Variants in KMT5A observed in about 807,000 individuals in gnomAD.
The protein encoded by KMT5A is lysine methyltransferase 5A.
Under a neutral mutation model 40.6 loss-of-function variants are expected in KMT5A, and 6 were observed. That is an observed-to-expected ratio of 0.15 (90% CI 0.08 to 0.29). The LOEUF is 0.29. Among genes scored for constraint, KMT5A ranks in the 10% least tolerant of loss-of-function variants. The pLI is 1.00. For synonymous variants in KMT5A, 153 were observed against 178.8 expected, an observed-to-expected ratio of 0.86 and a Z score of 1.15; for missense variants, 308 against 459.1, an observed-to-expected ratio of 0.67 and a Z score of 3.01.
intron 3 of KMT5A, among the ~76,000 whole-genome samples, chr12:123,391,831 C>T (rs910195100): frequency 5.9e-5 from 9 of 152,324 alleles, no homozygotes; most frequent in African/African-American, 1.9e-4. Context: ...TCATAAATGA[C>T]GATTTGGCAT....
At chr12:123,399,119 C>A (rs963423948) in intron 5 of KMT5A, among the ~76,000 whole-genome samples, 1 of 152,252 alleles carries the variant, frequency 6.6e-6, no homozygotes, top group African/African-American at 2.4e-5. Context: ...CAGCCAGCAG[C>A]GGGGCAGGGA....
rs530862965 is a variant in KMT5A, at chr12:123,408,741, T to G, written c.*1038T>G. The G allele has an allele frequency of 1.4e-4, 21 of 152,504 alleles. No homozygotes were observed. Among genetic ancestry groups the G allele is most frequent in the Admixed American group, 4.6e-4 (7 of 15,256 alleles). The allele number at this position is 152,504 out of a possible 1,614,324, so 9.4% of individuals were successfully genotyped here. ...TTCCAGACCTGCTGTCGAGGCCTTGTGTTTGTCAGACACCCAGTGTCCTCC... is the reference window on the plus strand; with the variant it reads ...TTCCAGACCTGCTGTCGAGGCCTTGGGTTTGTCAGACACCCAGTGTCCTCC... On this transcript the variant is annotated 3_prime_UTR_variant, in exon 8 of 8. Coordinates refer to ENST00000402868, the MANE Select transcript of KMT5A (RefSeq NM_020382.7).
rs777968774 is a variant in KMT5A at position 123,404,884 on chromosome 12, A to G, written c.658A>G (p.Ile220Val). ...IESGKEEGMK[I>V]DLIDGKGRGV... is the part of the protein sequence containing the mutation. ...AACACCCTCTCTTATCACCTGACAG[A>G]TTGACCTCATCGATGGCAAAGGCAG... The change falls in exon 7 of 8, where the codon ATT (isoleucine) becomes GTT (valine). Residue 220 changes from isoleucine (I) to valine (V), a missense_variant and splice_region_variant. Coordinates refer to ENST00000402868, the MANE Select transcript of KMT5A (RefSeq NM_020382.7). 4.3e-6 allele frequency: 7 copies of G among 1,611,538 alleles called. No homozygotes were observed. Among genetic ancestry groups the G allele is most frequent in the Non-Finnish European group, 5.9e-6 (7 of 1,179,308 alleles).
intron 7 of KMT5A, among the ~76,000 whole-genome samples, chr12:123,406,834 T>C (rs1878588818): frequency 6.6e-6 from 1 of 151,620 alleles, no homozygotes; most frequent in South Asian, 2.1e-4. Flanking sequence ...CAGACCAACA[T>C]GGCAAAACCC....
Position 123,384,223 on chromosome 12 carries a change from G to A in KMT5A, c.10+15G>A. The A allele has an allele frequency of 6.2e-7, 1 of 1,613,278 alleles. No individual in the cohort carries two copies. Among genetic ancestry groups the A allele is most frequent in the Non-Finnish European group, 8.5e-7 (1 of 1,179,670 alleles). ...CATGGCTAGAGGTATTTGCCCAAGT[G>A]GCCGGCACCGGAGCGGCTGGGTCGG... On this transcript the variant is annotated intron_variant, in intron 1 of 7. Transcript: ENST00000402868. This position sits in a 1 kb window ranked among gnomAD's most constrained non-coding sequence, Gnocchi z 5.7.
At chr12:123,396,134 C>T (rs780808777) in intron 4 of KMT5A, among the ~76,000 whole-genome samples, 17 of 152,188 alleles carry the variant, frequency 1.1e-4, no homozygotes, top group Non-Finnish European at 2.4e-4. Context: ...GCATGAGGCA[C>T]TGCGCCCAGC....
intron 7 of KMT5A, among the ~76,000 whole-genome samples, chr12:123,405,290 A>G (rs1878453280): frequency 6.6e-6 from 1 of 150,982 alleles, no homozygotes; most frequent in African/African-American, 2.4e-5. Context: ...TCTCAGGCTC[A>G]AAGAATTCTC....
chr12:123,388,167 C>T (rs1876984705), intron 1 of KMT5A, among the ~76,000 whole-genome samples: 1 of 152,208 alleles, frequency 6.6e-6, no homozygotes, highest in Non-Finnish European at 1.5e-5. Context: ...ATGTTAAACC[C>T]TTCTGCAAGA....
intron 4 of KMT5A, 136 bp downstream of exon 4, chr12:123,395,402 G>A (rs1207299630): frequency 2.4e-5 from 21 of 871,768 alleles, no homozygotes; most frequent in South Asian, 3.5e-5. Context: ...CAGATGCCCC[G>A]AGTCATCAGC....
chr12:123,386,290 G>T (rs992996593), intron 1 of KMT5A, among the ~76,000 whole-genome samples: 2 of 137,340 alleles, frequency 1.5e-5, no homozygotes, highest in African/African-American at 5.5e-5. Context: ...ATTTCAGCCC[G>T]CTTCACCCTC....
At chr12:123,403,813 A>C (rs1878350307) in intron 6 of KMT5A, among the ~76,000 whole-genome samples, 181 bp downstream of exon 6, 1 of 152,218 alleles carries the variant, frequency 6.6e-6, no homozygotes, top group Admixed American at 6.5e-5. Context: ...ATGTCTTATG[A>C]AGGAAACATA....
intron 5 of KMT5A, among the ~76,000 whole-genome samples, chr12:123,398,647 C>G (rs1036350285): frequency 6.6e-6 from 1 of 152,246 alleles, no homozygotes; most frequent in Non-Finnish European, 1.5e-5. Flanking sequence ...TTTGTGTTGG[C>G]TCTGCTGAGT....
intron 5 of KMT5A, among the ~76,000 whole-genome samples, chr12:123,398,712 G>A (rs1418990315): frequency 6.6e-6 from 1 of 152,224 alleles, no homozygotes; most frequent in East Asian, 1.9e-4. Flanking sequence ...TGGCCGGGAT[G>A]ACGTGGCTAG....
chr12:123,399,209 C>T (rs527273357), intron 5 of KMT5A, among the ~76,000 whole-genome samples: 4 of 152,380 alleles, frequency 2.6e-5, no homozygotes, highest in South Asian at 4.1e-4. Context: ...CTGCTGATTC[C>T]GCTTGGGAAG....
intron 5 of KMT5A, 39 bp from the exon 6 acceptor site, chr12:123,403,534 G>A (rs1398798587): frequency 1.2e-6 from 2 of 1,611,176 alleles, no homozygotes; most frequent in Non-Finnish European, 1.7e-6. Flanking sequence ...ATGGGCCTAG[G>A]AGAAGATACT....
intron 2 of KMT5A, chr12:123,389,933 C>G (rs555542202): frequency 2.5e-6 from 1 of 402,246 alleles, no homozygotes; most frequent in African/African-American, 2.1e-5. Flanking sequence ...TGTACTTACT[C>G]AGAGGAGGGG....
In KMT5A at chr12:123,384,542, T is replaced by C. The variant is rs1876750776; in HGVS notation, c.10+334T>C. On this transcript the variant is annotated intron_variant, in intron 1 of 7. Coordinates refer to ENST00000402868, the MANE Select transcript of KMT5A (RefSeq NM_020382.7). The surrounding 1 kb of genome is among the most constrained non-coding windows in gnomAD (Gnocchi z 5.7). ...GGGCACCTCCAGGGAATAGGTGTTA[T>C]TGATAGAAGTGGGGCGGGGGCAGGA... Among the ~76,000 whole-genome samples, 3 of 152,258 alleles carry C rather than the reference T, an allele frequency of 2.0e-5. No homozygotes were observed. The highest frequency in any genetic ancestry group is 4.4e-5 in the Non-Finnish European group (3 of 68,030).
At chr12:123,400,762 G>A (rs1055221291) in intron 5 of KMT5A, among the ~76,000 whole-genome samples, 1 of 151,794 alleles carries the variant, frequency 6.6e-6, no homozygotes, top group Non-Finnish European at 1.5e-5. Flanking sequence ...ATTTGTCACA[G>A]CTAAGTAACA....
intron 3 of KMT5A, among the ~76,000 whole-genome samples, chr12:123,392,970 G>A (rs1462065531): frequency 6.6e-6 from 1 of 151,898 alleles, no homozygotes; most frequent in East Asian, 1.9e-4. Flanking sequence ...TCCATCTCCC[G>A]GGTTCAAGCA....
Sources: allele counts gnomAD v4.1 joint callset (sites outside exome capture counted in the v4.1 genomes callset), GRCh38; gene constraint gnomAD v4.1.1; non-coding constraint Gnocchi (gnomAD v3.1); transcripts MANE v1.5; gene names NCBI Gene and HGNC (gene_info 2026-07-23, HGNC 2026-07-21).